Variants in GPBP1 observed in about 807,000 individuals in gnomAD.
The protein encoded by GPBP1 is vasculin.
In GPBP1, 13 loss-of-function variants were observed where a neutral mutation model predicts 56.5. The observed-to-expected ratio is 0.23, with a 90% confidence interval of 0.15 to 0.37. GPBP1 has a LOEUF of 0.37. GPBP1 is among the 10% of genes least tolerant of loss of function. The pLI is 1.00. For missense variants in GPBP1, 477 were observed against 572.3 expected (o/e 0.83, Z 1.70); for synonymous variants, 204 against 188.9 (o/e 1.08, Z -0.66).
At chr5:57,226,098 G>T (rs1376030536) in intron 3 of GPBP1, among the ~76,000 whole-genome samples, 1 of 152,156 alleles carries the variant, frequency 6.6e-6, no homozygotes, top group East Asian at 1.9e-4. Context: ...GGGGTGGTTG[G>T]TTTTTATGTG....
At chr5:57,246,580 G>T in intron 7 of GPBP1, 96 bp downstream of exon 7, 1 of 973,436 alleles carries the variant, frequency 1.0e-6, no homozygotes, top group Non-Finnish European at 1.5e-6. Context: ...GTGTATGGAG[G>T]TACTTCGTGG....
chr5:57,183,501 C>T (rs1269124334), intron 2 of GPBP1, among the ~76,000 whole-genome samples: 1 of 152,008 alleles, frequency 6.6e-6, no homozygotes, highest in Non-Finnish European at 1.5e-5. Context: ...GAAATTAGCC[C>T]AGGTCAGTAG....
intron 3 of GPBP1, among the ~76,000 whole-genome samples, chr5:57,216,304 GTCT>G (rs976103136): frequency 1.2e-4 from 19 of 152,212 alleles, no homozygotes; most frequent in African/African-American, 3.9e-4. Flanking sequence ...GAAGAAACCT[GTCT>G]TCTTGATTAC....
chr5:57,230,047 C>T (rs1580049360), intron 3 of GPBP1, among the ~76,000 whole-genome samples: 1 of 151,864 alleles, frequency 6.6e-6, no homozygotes, highest in African/African-American at 2.4e-5. Flanking sequence ...TCTCTTGCCT[C>T]AGCCTCCCGA....
At chr5:57,195,980 C>CAAAAAAAA (rs1181097227) in intron 2 of GPBP1, among the ~76,000 whole-genome samples, 4 of 29,740 alleles carry the variant, frequency 1.3e-4, no homozygotes, top group African/African-American at 3.2e-4. Flanking sequence ...AACTCCATCT[C>CAAAAAAAA]AAAAAAAAAA....
At chr5:57,234,619 A>G (rs1442063859) in intron 5 of GPBP1, among the ~76,000 whole-genome samples, 1 of 152,230 alleles carries the variant, frequency 6.6e-6, no homozygotes, top group East Asian at 1.9e-4. Context: ...CAGTCTAATC[A>G]CTTGAGCCCT....
intron 9 of GPBP1, among the ~76,000 whole-genome samples, chr5:57,250,676 A>G (rs1257700544): frequency 6.6e-6 from 1 of 151,634 alleles, no homozygotes; most frequent in Non-Finnish European, 1.5e-5. Flanking sequence ...CCAAGCAGCT[A>G]GGACTACAGG....
intron 3 of GPBP1, among the ~76,000 whole-genome samples, chr5:57,216,310 T>C (rs1694013766): frequency 6.6e-6 from 1 of 152,204 alleles, no homozygotes; most frequent in Non-Finnish European, 1.5e-5. Context: ...ACCTGTCTTC[T>C]TGATTACAGC....
intron 8 of GPBP1, among the ~76,000 whole-genome samples, chr5:57,248,394 A>G (rs1390188823): frequency 6.7e-6 from 1 of 148,868 alleles, no homozygotes; most frequent in Non-Finnish European, 1.5e-5. Context: ...TGCTTTGGGT[A>G]CTGTATTGGA....
intron 2 of GPBP1, among the ~76,000 whole-genome samples, chr5:57,191,767 G>A (rs1754536720): frequency 6.6e-6 from 1 of 152,002 alleles, no homozygotes; most frequent in African/African-American, 2.4e-5. Flanking sequence ...TCACTGTGTT[G>A]GCCAGGATGG....
At chr5:57,243,331 C>T (rs2111907557) in intron 6 of GPBP1, among the ~76,000 whole-genome samples, 1 of 152,286 alleles carries the variant, frequency 6.6e-6, no homozygotes, top group Non-Finnish European at 1.5e-5. Context: ...TCCCAAAGTG[C>T]TGGGATTATA....
chr5:57,262,637 G>C lies in GPBP1; in HGVS notation c.1307G>C (p.Gly436Ala). 1.9e-6 allele frequency: 3 copies of C among 1,613,492 alleles called. No homozygotes were observed. The highest frequency in any genetic ancestry group is 2.5e-6 in the Non-Finnish European group (3 of 1,179,608). ...AGAAAAAATGGTATTTTGAAAAATG[G>C]CTTGATCTGTGACTTCAAGTTTGGA... ...GLRKNGILKN[G>A]LICDFKFGPW... The change falls in exon 12 of 12, where the codon GGC becomes GCC. Residue 436 changes from glycine (G) to alanine (A), a missense_variant. Gly to Ala is a moderately conservative substitution (Grantham distance 60, BLOSUM62 0). Transcript: ENST00000506184.
Position 57,175,653 on chromosome 5 carries a change from T to G in GPBP1, c.-805T>G. ...CTTAAAAAGAGACCCAGGCAGCATTTCTTCAGTATTTTGGTTCAAACGGAT... is the reference window on the plus strand; with the variant it reads ...CTTAAAAAGAGACCCAGGCAGCATTGCTTCAGTATTTTGGTTCAAACGGAT... On this transcript the variant is annotated 5_prime_UTR_variant, in exon 2 of 12. Coordinates refer to ENST00000506184, the MANE Select transcript of GPBP1 (RefSeq NM_022913.4). 2.5e-6 allele frequency: 1 copy of G among 396,722 alleles called. No homozygotes were observed. Among genetic ancestry groups the G allele is most frequent in the Non-Finnish European group, 4.4e-6 (1 of 225,376 alleles). The allele number at this position is 396,722 out of a possible 1,614,324, so 24.6% of individuals were successfully genotyped here. A position where few individuals can be genotyped will look rare whatever the true frequency, so the allele number is the denominator to read the frequency against.
intron 2 of GPBP1, among the ~76,000 whole-genome samples, chr5:57,189,502 C>T (rs1282822401): frequency 6.6e-6 from 1 of 152,124 alleles, no homozygotes; most frequent in African/African-American, 2.4e-5. Context: ...TGGTGATCCA[C>T]CCACCTTGGC....
intron 2 of GPBP1, among the ~76,000 whole-genome samples, chr5:57,212,977 G>A (rs1057208273): frequency 2.6e-5 from 4 of 151,958 alleles, no homozygotes; most frequent in South Asian, 2.1e-4. Context: ...CCACAATGCC[G>A]GGACCATTCC....
At position 57,176,064 on chromosome 5, in the gene GPBP1, G is replaced by A. The variant is rs1753779301; in HGVS notation, c.-394G>A. On this transcript the variant is annotated 5_prime_UTR_variant, in exon 2 of 12. Transcript: ENST00000506184. ...TGCTGATGTTTAGGAATGCTCTTCA[G>A]ATGTGAAATTTTCTTTTTGTTTTTG... is the stretch of plus-strand genomic sequence containing the variant. 2.5e-6 allele frequency: 1 copy of A among 398,398 alleles called. No homozygotes were observed. The highest frequency in any genetic ancestry group is 4.4e-5 in the Admixed American group (1 of 22,700). 24.7% of individuals were successfully genotyped at this position (398,398 alleles called of 1,614,324 possible). A position where few individuals can be genotyped will look rare whatever the true frequency, so the allele number is the denominator to read the frequency against.
At chr5:57,193,613 CAAAAAAA>C (rs1194542329) in intron 2 of GPBP1, among the ~76,000 whole-genome samples, 1 of 61,514 alleles carries the variant, frequency 1.6e-5, no homozygotes, top group Non-Finnish European at 3.5e-5. Context: ...GACCCTGTCT[CAAAAAAA>C]AAAAAAAAAA....
At chr5:57,240,712 C>G (rs911869620) in intron 6 of GPBP1, among the ~76,000 whole-genome samples, 10 of 152,100 alleles carry the variant, frequency 6.6e-5, no homozygotes, top group African/African-American at 2.4e-4. Context: ...GTGGCTCTCA[C>G]ACCTGTAATC....
Position 57,225,180 on chromosome 5 carries a change from C to T in GPBP1, c.64-5666C>T, listed in dbSNP as rs375716445. On this transcript the variant is annotated intron_variant, in intron 3 of 11. Coordinates refer to ENST00000506184, the MANE Select transcript of GPBP1 (RefSeq NM_022913.4). ...AGATAGAAAACTGGTATTATTTCGCCGGGCACGGTAGCTCATGCCTGTAAT... is the reference window on the plus strand; with the variant it reads ...AGATAGAAAACTGGTATTATTTCGCTGGGCACGGTAGCTCATGCCTGTAAT... 1.5e-3 allele frequency among the ~76,000 whole-genome samples: 224 copies of T among 152,142 alleles called. 2 individuals carry two copies. Among genetic ancestry groups the T allele is most frequent in the African/African-American group, 5.1e-3 (211 of 41,504 alleles).
Sources: allele counts gnomAD v4.1 joint callset (sites outside exome capture counted in the v4.1 genomes callset), GRCh38; gene constraint gnomAD v4.1.1; transcripts MANE v1.5; gene names NCBI Gene and HGNC (gene_info 2026-07-23, HGNC 2026-07-21).